ZPLD1: variants seen among roughly 807,000 people sequenced by gnomAD.
The protein encoded by ZPLD1 is zona pellucida-like domain-containing protein 1.
In ZPLD1, 34 loss-of-function variants were observed where a neutral mutation model predicts 47.2. The observed-to-expected ratio is 0.72, with a 90% CI of 0.55 to 0.96. The LOEUF (loss-of-function observed/expected upper bound fraction) is 0.96, where lower values mean the gene tolerates loss of function less well. ZPLD1 is among the 40% of genes least tolerant of loss of function. The pLI is 0.00. For synonymous variants in ZPLD1, 176 were observed against 186.2 expected (o/e 0.95, Z 0.45); for missense variants, 512 against 505.8 (o/e 1.01, Z -0.12).
intron 10 of ZPLD1, among the ~76,000 whole-genome samples, chr3:102,474,120 T>C (rs1304769337): frequency 6.6e-6 from 1 of 152,198 alleles, no homozygotes; most frequent in Non-Finnish European, 1.5e-5. Flanking sequence ...ATAGTTTTGT[T>C]ACTTGACTTA....
At chr3:102,453,360 C>G (rs1707368467) in intron 4 of ZPLD1, among the ~76,000 whole-genome samples, 1 of 152,200 alleles carries the variant, frequency 6.6e-6, no homozygotes, top group African/African-American at 2.4e-5. Context: ...GGTCTGAGGT[C>G]AGCTGTGCCC....
chr3:102,467,378 G>A (rs1033231946), intron 8 of ZPLD1, among the ~76,000 whole-genome samples: 4 of 151,918 alleles, frequency 2.6e-5, no homozygotes, highest in Non-Finnish European at 4.4e-5. Context: ...AAGATAAGCC[G>A]GGAATCAACA....
intron 7 of ZPLD1, among the ~76,000 whole-genome samples, chr3:102,411,346 A>C (rs1706745690): frequency 6.6e-6 from 1 of 151,794 alleles, no homozygotes; most frequent in South Asian, 2.1e-4. Flanking sequence ...TATTCATTCA[A>C]AGGGTATGAT....
At chr3:102,461,165 ATTATGGTTG>A (rs1449988928) in intron 6 of ZPLD1, among the ~76,000 whole-genome samples, 1 of 152,028 alleles carries the variant, frequency 6.6e-6, no homozygotes, top group East Asian at 1.9e-4. Flanking sequence ...TTCTAAAGAT[ATTATGGTTG>A]ATATGTTGTC....
At chr3:102,433,743 A>C (rs1486352462), upstream of ZPLD1, among the ~76,000 whole-genome samples, 2 of 151,988 alleles carry the variant, frequency 1.3e-5, no homozygotes, top group Non-Finnish European at 2.9e-5. Flanking sequence ...GTTAGCCAGG[A>C]TGGTCTCGAT....
chr3:102,432,469 T>C (rs1393486643), upstream of ZPLD1, among the ~76,000 whole-genome samples: 1 of 152,212 alleles, frequency 6.6e-6, no homozygotes, highest in Admixed American at 6.5e-5. Context: ...TTAGTTTGAA[T>C]TTTCTATTTT....
intron 7 of ZPLD1, among the ~76,000 whole-genome samples, chr3:102,403,537 C>T (rs1706648329): frequency 6.6e-6 from 1 of 152,064 alleles, no homozygotes; most frequent in African/African-American, 2.4e-5. Flanking sequence ...ATTCACATAA[C>T]ATTATCTGAG....
Position 102,426,513 on chromosome 3 carries a change from C to T in ZPLD1, c.-9+8306C>T, listed in dbSNP as rs1706950142. 2.1e-5 allele frequency among the ~76,000 whole-genome samples: 3 copies of T among 144,898 alleles called. No homozygotes were observed. In the South Asian group the frequency reaches 6.5e-4, roughly 31 times the overall value. On this transcript the variant is annotated intron_variant, in intron 8 of 17. Transcript: ENST00000491959. ...AGCCTGGGCAACAAGAGTGAAACTC[C>T]ATCTCAAAAAAAAAAAAAAAAATTC...
intron 7 of ZPLD1, among the ~76,000 whole-genome samples, chr3:102,414,270 G>T (rs1706779354): frequency 6.6e-6 from 1 of 151,822 alleles, no homozygotes; most frequent in South Asian, 2.1e-4. Context: ...ATGTTGCTTA[G>T]AATTGTTGGT....
intron 6 of ZPLD1, among the ~76,000 whole-genome samples, chr3:102,460,222 T>C (rs574645549): frequency 1.3e-5 from 2 of 152,198 alleles, no homozygotes; most frequent in South Asian, 2.1e-4. Context: ...GAATGTTTTT[T>C]ATTTCTAACC....
chr3:102,453,151 G>T lies in ZPLD1; in HGVS notation c.327+12G>T. The T allele has an allele frequency of 6.2e-7, 1 of 1,609,280 alleles. No individual in the cohort carries two copies. The highest frequency in any genetic ancestry group is 8.5e-7 in the Non-Finnish European group (1 of 1,175,868). Reference sequence around the variant, plus strand: ...GAAACAACCTGGTGGTAAGATTAGTGTGACATTGTGTGCTAGGTCTGGGGT... The same window carrying T: ...GAAACAACCTGGTGGTAAGATTAGTTTGACATTGTGTGCTAGGTCTGGGGT... On this transcript the variant is annotated intron_variant, in intron 4 of 11. Transcript: ENST00000466937.
Position 102,457,814 on chromosome 3 carries a change from T to C in ZPLD1, c.543T>C (p.Asn181=), listed in dbSNP as rs761467499. The C allele has an allele frequency of 3.3e-5, 53 of 1,613,948 alleles. No individual in the cohort carries two copies. In the South Asian group the frequency reaches 5.6e-4, roughly 17 times the overall value. ...SSAAISVREN[N]GTFVSTLNLL... ...CGGCTATTTCTGTGAGAGAGAACAA[T>C]GGCACATTTGTCAGCACTTTGAACC... The change falls in exon 6 of 12, where the codon AAT becomes AAC. Residue 181 remains asparagine, a synonymous_variant. Transcript: ENST00000466937.
At chr3:102,408,319 C>T (rs1406980987) in intron 7 of ZPLD1, among the ~76,000 whole-genome samples, 2 of 151,850 alleles carry the variant, frequency 1.3e-5, no homozygotes, top group African/African-American at 4.8e-5. Context: ...CTCAGGAAGA[C>T]AGTAACACTG....
chr3:102,434,990 C>A, upstream of ZPLD1: 1 of 1,060,812 alleles, frequency 9.4e-7, no homozygotes, highest in Non-Finnish European at 1.4e-6. Context: ...CCTGAGCAGC[C>A]AGGATGATAT....
chr3:102,475,798 C>G (rs1221019162), intron 10 of ZPLD1, among the ~76,000 whole-genome samples: 3 of 151,984 alleles, frequency 2.0e-5, no homozygotes, highest in Non-Finnish European at 2.9e-5. Flanking sequence ...GACAGCAGAA[C>G]CATCGTTTCT....
At chr3:102,388,325 T>G (rs1469163361) in intron 6 of ZPLD1, among the ~76,000 whole-genome samples, 1 of 152,180 alleles carries the variant, frequency 6.6e-6, no homozygotes, top group Non-Finnish European at 1.5e-5. Flanking sequence ...TTGTAATTTT[T>G]GGCAATGTTT....
intron 7 of ZPLD1, among the ~76,000 whole-genome samples, chr3:102,414,366 A>C (rs1706780501): frequency 6.6e-6 from 1 of 151,862 alleles, no homozygotes; most frequent in South Asian, 2.1e-4. Context: ...GCTTTCAACA[A>C]AGATTTGCTG....
At chr3:102,436,128 G>A (rs1707088137) in intron 1 of ZPLD1, among the ~76,000 whole-genome samples, 2 of 152,176 alleles carry the variant, frequency 1.3e-5, no homozygotes, top group Admixed American at 6.5e-5. Flanking sequence ...TTTTGTTAAG[G>A]AGAGTAGGAC....
intron 7 of ZPLD1, among the ~76,000 whole-genome samples, chr3:102,463,458 T>C (rs1707540865): frequency 6.6e-6 from 1 of 152,250 alleles, no homozygotes; most frequent in Admixed American, 6.5e-5. Flanking sequence ...TCTCAGACTT[T>C]GACCATTCAG....
Sources: allele counts gnomAD v4.1 joint callset (sites outside exome capture counted in the v4.1 genomes callset), GRCh38; gene constraint gnomAD v4.1.1; transcripts MANE v1.5; gene names NCBI Gene and HGNC (gene_info 2026-07-23, HGNC 2026-07-21).